The following USP3 variants were observed in gnomAD, a reference collection of about 807,000 sequenced individuals.
USP3 encodes ubiquitin carboxyl-terminal hydrolase 3.
A neutral mutation model predicts 72.3 loss-of-function variants in USP3; 20 were observed. The ratio of observed to expected loss-of-function variants is 0.28; its 90% CI spans 0.19 to 0.40. USP3 has a LOEUF of 0.40. Among genes scored for constraint, USP3 ranks in the 10% least tolerant of loss-of-function variants. The probability of loss-of-function intolerance (pLI) is 1.00; values close to 1 mark genes in which losing one functional copy is unlikely to be tolerated. For missense variants in USP3, 479 were observed against 633.9 expected, an observed-to-expected ratio of 0.76 and a Z score of 2.62; for synonymous variants, 222 against 225.3, an observed-to-expected ratio of 0.99 and a Z score of 0.13.
chr15:63,510,530 G>A (rs1182730788), intron 1 of USP3, among the ~76,000 whole-genome samples: 1 of 152,150 alleles, frequency 6.6e-6, no homozygotes, highest in Non-Finnish European at 1.5e-5. Flanking sequence ...AGTGGAAAAG[G>A]TATGCTGTTT....
chr15:63,533,733 C>A, intron 2 of USP3: 1 of 611,228 alleles, frequency 1.6e-6, no homozygotes, highest in Non-Finnish European at 2.4e-6. Flanking sequence ...TCCATGTGCA[C>A]TTAAGAGTAC....
rs1200510388 is a variant in USP3 at position 63,590,443 on chromosome 15, T to G, written c.1398-218T>G. Among the ~76,000 whole-genome samples, 5 of 152,344 alleles carry G rather than the reference T, an allele frequency of 3.3e-5. No homozygotes were observed. The East Asian group carries it at 9.6e-4, about 29-fold the overall frequency. ...TGTTAGGTTGCGAGTTCCTCATCTC[T>G]GTTTTCTCCATTAGTCCAGGGCCAT... On this transcript the variant is annotated intron_variant, in intron 14 of 14. Coordinates refer to ENST00000380324, the MANE Select transcript of USP3 (RefSeq NM_006537.4).
Position 63,588,466 on chromosome 15 carries a change from A to T in USP3, c.1215+43A>T. On this transcript the variant is annotated intron_variant, in intron 12 of 14. Transcript: ENST00000380324. The surrounding 1 kb of genome is among the most constrained non-coding windows in gnomAD (Gnocchi z 4.6). ...AGTTATGAAGCAATTTCAATGGGAA[A>T]GTGCTTGACTGCTAAGACCATGTCT... The T allele has an allele frequency of 7.3e-7, 1 of 1,364,902 alleles. No individual in the cohort carries two copies. The highest frequency in any genetic ancestry group is 1.5e-5 in the African/African-American group (1 of 68,840). 84.5% of individuals were successfully genotyped at this position (1,364,902 alleles called of 1,614,324 possible).
At position 63,574,586 on chromosome 15, in the gene USP3, A is replaced by G. The variant is rs2066832417; in HGVS notation, c.1096+183A>G. The stretch of plus-strand genomic sequence containing the variant: ...ATGTTATTGAATAAGAATGTGTGCC[A>G]TAAGATATTGTGTGAAGCATAAAAT... On this transcript the variant is annotated intron_variant, in intron 11 of 14. Coordinates refer to ENST00000380324, the MANE Select transcript of USP3 (RefSeq NM_006537.4). This position sits in a 1 kb window ranked among gnomAD's most constrained non-coding sequence, Gnocchi z 4.6. Among the ~76,000 whole-genome samples, 1 of 152,228 alleles carries G rather than the reference A, an allele frequency of 6.6e-6. No individual in the cohort carries two copies. Among genetic ancestry groups the G allele is most frequent in the Non-Finnish European group, 1.5e-5 (1 of 68,036 alleles).
rs1197581385 is a variant in USP3 at position 63,547,856 on chromosome 15, GAGAGAGGCAT to G, written c.285-5852_285-5843del. ...AGAGAGGGAGGGAGGGAGAGAGAGA[GAGAGAGGCAT>G]AGAGAGAGAGAGAGAGAGAGAGAGA... On this transcript the variant is annotated intron_variant, in intron 3 of 14. Transcript: ENST00000380324. Among the ~76,000 whole-genome samples the G allele has an allele frequency of 9.8e-4, 102 of 104,554 alleles. 5 individuals are homozygous for G. The highest frequency in any genetic ancestry group is 3.8e-3 in the African/African-American group (95 of 25,166). 68.6% of individuals were successfully genotyped at this position (104,554 alleles called of 152,430 possible). A position where few individuals can be genotyped will look rare whatever the true frequency, so the allele number is the denominator to read the frequency against.
rs2066469170 is a variant in USP3 at position 63,553,861 on chromosome 15, T to A, written c.368+63T>A. The A allele has an allele frequency of 7.5e-7, 1 of 1,328,058 alleles. No homozygotes were observed. Among genetic ancestry groups the A allele is most frequent in the Admixed American group, 2.3e-5 (1 of 43,294 alleles). The allele number at this position is 1,328,058 out of a possible 1,614,324, so 82.3% of individuals were successfully genotyped here. A position where few individuals can be genotyped will look rare whatever the true frequency, so the allele number is the denominator to read the frequency against. ...ATGGGGTTGAGGAGTCTTTTAGAAT[T>A]TTTGAGTGGGGTTTTTGTTGATGAG... On this transcript the variant is annotated intron_variant, in intron 4 of 14. Coordinates refer to ENST00000380324, the MANE Select transcript of USP3 (RefSeq NM_006537.4). This position sits in a 1 kb window ranked among gnomAD's most constrained non-coding sequence, Gnocchi z 4.2.
At chr15:63,513,323 G>T (rs2065813987) in intron 1 of USP3, among the ~76,000 whole-genome samples, 1 of 152,150 alleles carries the variant, frequency 6.6e-6, no homozygotes, top group Non-Finnish European at 1.5e-5. Context: ...TACAGTTATT[G>T]TTCTACCTTC....
chr15:63,568,036 T>C (rs1200206329), intron 8 of USP3, among the ~76,000 whole-genome samples: 1 of 151,974 alleles, frequency 6.6e-6, no homozygotes, highest in Non-Finnish European at 1.5e-5. Flanking sequence ...ACGTGACAAA[T>C]GAGAGAAGGA....
In USP3 at chr15:63,588,193, T is replaced by C. The variant is rs1406673646; in HGVS notation, c.1097-112T>C. ...TGCAATTGAGAAAGGTTAACTTTTC[T>C]AAGGTCGTATAGCTAATAAAGCTGA... On this transcript the variant is annotated intron_variant, in intron 11 of 14. Transcript: ENST00000380324. This position sits in a 1 kb window ranked among gnomAD's most constrained non-coding sequence, Gnocchi z 4.6. The C allele has an allele frequency of 1.3e-6, 1 of 752,392 alleles. No homozygotes were observed. The allele number at this position is 752,392 out of a possible 1,614,324, so 46.6% of individuals were successfully genotyped here.
chr15:63,571,032 C>G (rs910315669), intron 9 of USP3, among the ~76,000 whole-genome samples: 1 of 152,060 alleles, frequency 6.6e-6, no homozygotes, highest in Middle Eastern at 3.2e-3. Context: ...TTAATGAAAT[C>G]GAGGCATTTG....
In USP3 at chr15:63,559,984, G is replaced by GTA; in HGVS notation, c.647+16_647+17dup. The GTA allele has an allele frequency of 6.2e-7, 1 of 1,604,598 alleles. No individual in the cohort carries two copies. The highest frequency in any genetic ancestry group is 8.5e-7 in the Non-Finnish European group (1 of 1,175,334). The stretch of plus-strand genomic sequence containing the variant: ...GGATAACAATGTGTGAGTTATAAGA[G>GTA]TATGTCCTTTCTGGCTTTGAGTTAC... On this transcript the variant is annotated intron_variant, in intron 7 of 14. Transcript: ENST00000380324.
intron 1 of USP3, among the ~76,000 whole-genome samples, chr15:63,516,610 T>G (rs1002412470): frequency 6.6e-6 from 1 of 152,060 alleles, no homozygotes; most frequent in African/African-American, 2.4e-5. Flanking sequence ...TCCTTTAGAG[T>G]TTTAAAGGCA....
intron 1 of USP3, among the ~76,000 whole-genome samples, chr15:63,511,285 GTCTT>G (rs1172250668): frequency 1.7e-4 from 2 of 11,658 alleles, no homozygotes; most frequent in Non-Finnish European, 2.9e-4. Context: ...AAAAAAAAGA[GTCTT>G]TATTTTGTTA....
chr15:63,570,463 C>T lies in USP3; in HGVS notation c.792C>T (p.Phe264=). Residue 264 remains phenylalanine (F), a synonymous_variant, in exon 9 of 15, where the codon TTC becomes TTT. Coordinates refer to ENST00000380324, the MANE Select transcript of USP3 (RefSeq NM_006537.4). The surrounding 1 kb of genome is among the most constrained non-coding windows in gnomAD (Gnocchi z 4.4). ...RGYQQQDAHE[F]MRYLLDHLHL... The stretch of plus-strand genomic sequence containing the variant: ...ATCAACAGCAGGACGCCCATGAATT[C>T]ATGCGCTACCTTTTGGACCACCTAC... 1.2e-6 allele frequency: 2 copies of T among 1,614,230 alleles called. No homozygotes were observed. The highest frequency in any genetic ancestry group is 2.7e-5 in the African/African-American group (2 of 75,070).
intron 1 of USP3, among the ~76,000 whole-genome samples, chr15:63,507,246 T>C (rs1194121267): frequency 6.6e-6 from 1 of 152,176 alleles, no homozygotes; most frequent in African/African-American, 2.4e-5. Context: ...CCTTGCCTTA[T>C]TTTCTTTGCG....
chr15:63,576,614 G>T (rs1045897047), intron 11 of USP3, among the ~76,000 whole-genome samples: 1 of 152,190 alleles, frequency 6.6e-6, no homozygotes, highest in African/African-American at 2.4e-5. Context: ...GCATCCCACG[G>T]AGTATTTTTC....
chr15:63,511,266 T>TTAAAAAAAAAAAAAA (rs549048698), intron 1 of USP3, among the ~76,000 whole-genome samples: 2 of 42,846 alleles, frequency 4.7e-5, no homozygotes, highest in Non-Finnish European at 9.7e-5. Flanking sequence ...TGCTTTTTCT[T>TTAAAAAAAAAAAAAA]AAAAAAAAAA....
At position 63,592,132 on chromosome 15, in the gene USP3, G is replaced by T. The variant is rs2067213529; in HGVS notation, c.*1306G>T. 6.6e-6 allele frequency: 1 copy of T among 151,992 alleles called. No individual in the cohort carries two copies. The highest frequency in any genetic ancestry group is 2.4e-5 in the African/African-American group (1 of 41,346). 9.4% of individuals were successfully genotyped at this position (151,992 alleles called of 1,614,324 possible). A position where few individuals can be genotyped will look rare whatever the true frequency, so the allele number is the denominator to read the frequency against. ...GGGGTTTACCATGTTGGCTAGGGTG[G>T]TCTCAACCTCCCTCCTGACCTCAGG... On this transcript the variant is annotated 3_prime_UTR_variant, in exon 15 of 15. Transcript: ENST00000380324.
chr15:63,546,843 C>T (rs145419704), intron 3 of USP3, among the ~76,000 whole-genome samples: 9,906 of 152,208 alleles, frequency 0.065, 379 homozygotes, highest in Non-Finnish European at 0.082. Flanking sequence ...CTCCTGACCT[C>T]GTGATCTGCC....
Sources: gnomAD v4.1 joint callset for allele counts (sites outside exome capture counted in the v4.1 genomes callset) on GRCh38, gnomAD v4.1.1 for gene constraint, Gnocchi (gnomAD v3.1) non-coding constraint, MANE v1.5 for transcripts, NCBI Gene and HGNC (gene_info 2026-07-23, HGNC 2026-07-21) for gene names.